The following CFAP61 variants were observed in gnomAD, a reference collection of about 807,000 sequenced individuals.
CFAP61 encodes cilia and flagella associated protein 61, also known as cilia- and flagella-associated protein 61.
Under a neutral mutation model 135.6 loss-of-function variants are expected in CFAP61, and 107 were observed. The ratio of observed to expected loss-of-function variants is 0.79; its 90% CI spans 0.67 to 0.93. The LOEUF is 0.93. Among genes scored for constraint, CFAP61 ranks in the 40% least tolerant of loss-of-function variants. The pLI is 0.00. For synonymous variants in CFAP61, 575 were observed against 578.5 expected, an observed-to-expected ratio of 0.99 and a Z score of 0.09; for missense variants, 1,507 against 1,556.2, an observed-to-expected ratio of 0.97 and a Z score of 0.53.
chr20:20,140,237 C>T (rs1216448987), intron 8 of CFAP61, among the ~76,000 whole-genome samples: 2 of 148,468 alleles, frequency 1.3e-5, no homozygotes, highest in African/African-American at 2.5e-5. Flanking sequence ...TACATGTGCA[C>T]AATGTGCAGG....
At chr20:20,075,132 C>G in intron 4 of CFAP61, 57 bp from the exon 5 acceptor site, 2 of 1,513,774 alleles carry the variant, frequency 1.3e-6, no homozygotes, top group Non-Finnish European at 1.8e-6. Context: ...TCATCAAGTG[C>G]CAGCTGATGG....
intron 2 of CFAP61, among the ~76,000 whole-genome samples, chr20:20,061,839 G>A (rs933704398): frequency 2.6e-5 from 4 of 152,172 alleles, no homozygotes; most frequent in South Asian, 4.1e-4. Flanking sequence ...AGGCCCAAGC[G>A]TTAAGATGGC....
At chr20:20,122,548 C>T (rs2049737487) in intron 8 of CFAP61, among the ~76,000 whole-genome samples, 1 of 152,204 alleles carries the variant, frequency 6.6e-6, no homozygotes, top group South Asian at 2.1e-4. Flanking sequence ...AGTTACTTCA[C>T]TTAGAATAAT....
intron 18 of CFAP61, among the ~76,000 whole-genome samples, chr20:20,241,297 G>C (rs549015979): frequency 2.0e-5 from 3 of 152,154 alleles, no homozygotes; most frequent in Non-Finnish European, 4.4e-5. Flanking sequence ...AACAAGAGGG[G>C]TTACAGTAGA....
chr20:20,322,436 T>A (rs757603802), intron 25 of CFAP61, among the ~76,000 whole-genome samples: 1 of 152,168 alleles, frequency 6.6e-6, no homozygotes, highest in Non-Finnish European at 1.5e-5. Context: ...CCTCAAGGCC[T>A]TCACTCCATT....
intron 9 of CFAP61, among the ~76,000 whole-genome samples, chr20:20,148,167 G>A (rs971674367): frequency 6.6e-6 from 1 of 152,178 alleles, no homozygotes; most frequent in Non-Finnish European, 1.5e-5. Context: ...TTGTAGTATA[G>A]TTTGAAGTCA....
intron 8 of CFAP61, among the ~76,000 whole-genome samples, chr20:20,104,233 C>T (rs1047922062): frequency 1.3e-5 from 2 of 152,024 alleles, no homozygotes; most frequent in African/African-American, 2.4e-5. Context: ...CGTAAAACAT[C>T]GCAATATTGC....
chr20:20,208,709 ACT>A (rs1436578282), intron 17 of CFAP61, among the ~76,000 whole-genome samples: 8 of 152,234 alleles, frequency 5.3e-5, no homozygotes, highest in Admixed American at 2.6e-4. Context: ...TAGCTTTGAC[ACT>A]GAGTCTCATT....
intron 21 of CFAP61, among the ~76,000 whole-genome samples, chr20:20,266,135 A>C (rs2052722479): frequency 6.6e-6 from 1 of 152,238 alleles, no homozygotes. Context: ...TGGCAGGCTG[A>C]AATACATTTA....
chr20:20,069,199 G>A lies in CFAP61; in HGVS notation c.144-1655G>A, dbSNP rs529398080. Among the ~76,000 whole-genome samples the A allele has an allele frequency of 2.0e-5, 3 of 152,356 alleles. No homozygotes were observed. In the East Asian group the frequency reaches 5.8e-4, roughly 29 times the overall value. ...GACTGCTGTTTGGTGAACTGCTCTT[G>A]TAAAAGGTTACACTGTCAAGTGGGA... is the stretch of plus-strand genomic sequence containing the variant. On this transcript the variant is annotated intron_variant, in intron 2 of 26. Coordinates refer to ENST00000245957, the MANE Select transcript of CFAP61 (RefSeq NM_015585.4).
At position 20,360,553 on chromosome 20, in the gene CFAP61, C is replaced by A; in HGVS notation, c.*143C>A. 1.5e-6 allele frequency: 1 copy of A among 669,122 alleles called. No homozygotes were observed. Among genetic ancestry groups the A allele is most frequent in the Non-Finnish European group, 2.5e-6 (1 of 393,682 alleles). The allele number at this position is 669,122 out of a possible 1,614,324, so 41.4% of individuals were successfully genotyped here. A position where few individuals can be genotyped will look rare whatever the true frequency, so the allele number is the denominator to read the frequency against. ...TTTGTTCATTCCTTTCCTTCCCTGA[C>A]TTATGCCTGTAGTTTTCTATCATCC... On this transcript the variant is annotated 3_prime_UTR_variant, in exon 27 of 27. Coordinates refer to ENST00000245957, the MANE Select transcript of CFAP61 (RefSeq NM_015585.4).
intron 13 of CFAP61, among the ~76,000 whole-genome samples, chr20:20,175,413 T>C (rs1442544912): frequency 6.6e-6 from 1 of 152,216 alleles, no homozygotes; most frequent in Non-Finnish European, 1.5e-5. Flanking sequence ...TCTGTGTTGC[T>C]AACAAGTGCA....
intron 18 of CFAP61, among the ~76,000 whole-genome samples, chr20:20,240,574 CTTT>C (rs371680935): frequency 6.9e-6 from 1 of 145,412 alleles, no homozygotes; most frequent in Non-Finnish European, 1.5e-5. Flanking sequence ...AGTCCGCCAT[CTTT>C]TTTTTTTTTG....
chr20:20,263,266 T>C, intron 21 of CFAP61, 136 bp downstream of exon 21: 1 of 603,722 alleles, frequency 1.7e-6, no homozygotes, highest in Non-Finnish European at 2.5e-6. Flanking sequence ...CATGCTTTGT[T>C]TTCCAGATTA....
intron 20 of CFAP61, among the ~76,000 whole-genome samples, chr20:20,256,011 C>T (rs990994400): frequency 2.6e-5 from 4 of 152,142 alleles, no homozygotes; most frequent in Non-Finnish European, 5.9e-5. Context: ...GGGGTTGCCA[C>T]GCTGGAGACG....
intron 25 of CFAP61, among the ~76,000 whole-genome samples, chr20:20,340,178 A>G (rs1049022812): frequency 6.6e-6 from 1 of 152,206 alleles, no homozygotes; most frequent in African/African-American, 2.4e-5. Flanking sequence ...CATTCCCTTT[A>G]GAGTTGCTGG....
intron 25 of CFAP61, chr20:20,322,633 CCCTT>C (rs1244746471): frequency 2.1e-6 from 2 of 967,472 alleles, no homozygotes; most frequent in Admixed American, 1.2e-4. Flanking sequence ...ATCATTAACT[CCCTT>C]CCCTTCCAGT....
chr20:20,056,173 C>T (rs2044319289), intron 1 of CFAP61: 2 of 592,358 alleles, frequency 3.4e-6, no homozygotes, highest in Non-Finnish European at 5.9e-6. Flanking sequence ...CTTTTTTGGT[C>T]TCAAAATATG....
At chr20:20,192,562 C>G (rs1348196760) in intron 15 of CFAP61, among the ~76,000 whole-genome samples, 1 of 152,060 alleles carries the variant, frequency 6.6e-6, no homozygotes, top group African/African-American at 2.4e-5. Context: ...GCCCTCCTCC[C>G]GCGCCACCCT....
Sources: allele counts gnomAD v4.1 joint callset (sites outside exome capture counted in the v4.1 genomes callset), GRCh38; gene constraint gnomAD v4.1.1; transcripts MANE v1.5; gene names NCBI Gene and HGNC (gene_info 2026-07-23, HGNC 2026-07-21).